Variants in LDHB observed in about 807,000 individuals in gnomAD.
The protein encoded by LDHB is L-lactate dehydrogenase B chain.
In LDHB, 18 loss-of-function variants were observed where a neutral mutation model predicts 33.4. That is an observed-to-expected ratio of 0.54 (90% CI 0.37 to 0.80). The LOEUF (loss-of-function observed/expected upper bound fraction) is 0.80. LDHB is among the 30% of genes least tolerant of loss of function. The probability of loss-of-function intolerance (pLI) is 0.00; values close to 1 mark genes in which losing one functional copy is unlikely to be tolerated. For missense variants in LDHB, 345 were observed against 407.9 expected, an observed-to-expected ratio of 0.85 and a Z score of 1.33; for synonymous variants, 121 against 140.6, an observed-to-expected ratio of 0.86 and a Z score of 0.98.
At chr12:21,651,651 C>T (rs1456945268) in intron 2 of LDHB, among the ~76,000 whole-genome samples, 1 of 152,156 alleles carries the variant, frequency 6.6e-6, no homozygotes, top group Non-Finnish European at 1.5e-5. Flanking sequence ...TATCCTCTGA[C>T]ATGTTACAGA....
intron 2 of LDHB, among the ~76,000 whole-genome samples, chr12:21,648,285 A>C (rs947037596): frequency 1.1e-4 from 16 of 152,124 alleles, no homozygotes; most frequent in African/African-American, 3.6e-4. Flanking sequence ...TACGATACTC[A>C]AGGGATTGGT....
intron 3 of LDHB, among the ~76,000 whole-genome samples, 192 bp downstream of exon 3, chr12:21,646,707 A>T (rs1209477771): frequency 6.6e-6 from 1 of 152,120 alleles, no homozygotes; most frequent in Admixed American, 6.5e-5. Flanking sequence ...ATAATTATAT[A>T]ACAATTTTGC....
chr12:21,638,284 A>C lies in LDHB; in HGVS notation c.713+69T>G. 3.4e-6 allele frequency: 3 copies of C among 888,636 alleles called. No individual in the cohort carries two copies. In the South Asian group the frequency reaches 4.0e-5, roughly 12 times the overall value. 55.0% of individuals were successfully genotyped at this position (888,636 alleles called of 1,614,324 possible). On this transcript the variant is annotated intron_variant, in intron 6 of 7. Coordinates refer to ENST00000350669, the MANE Select transcript of LDHB (RefSeq NM_002300.8). ...AGTTTATCTGAGCAGACAGCCATGG[A>C]AAATGTTTATAATTTTATTTAAGTA... is the stretch of plus-strand genomic sequence containing the variant.
In LDHB at chr12:21,637,258, CTT is replaced by C; in HGVS notation, c.714-66_714-65del. ...CAATCATTATTGAAACCAGACCTGA[CTT>C]TGACTACTGCTCTGTCTCTAACTAT... On this transcript the variant is annotated intron_variant, in intron 6 of 7. Transcript: ENST00000350669. 4 of 1,197,784 alleles carry C rather than the reference CTT, an allele frequency of 3.3e-6. No homozygotes were observed. The East Asian group carries it at 9.4e-5, about 28-fold the overall frequency. The allele number at this position is 1,197,784 out of a possible 1,614,324, so 74.2% of individuals were successfully genotyped here. A position where few individuals can be genotyped will look rare whatever the true frequency, so the allele number is the denominator to read the frequency against.
intron 2 of LDHB, among the ~76,000 whole-genome samples, chr12:21,649,388 G>A (rs117568580): frequency 0.032 from 4,905 of 152,274 alleles, 138 homozygotes; most frequent in Non-Finnish European, 0.049. Flanking sequence ...ATGGAGAGGC[G>A]TGATGTGTGA....
At position 21,635,396 on chromosome 12, in the gene LDHB, C is replaced by T; in HGVS notation, c.*146G>A. ...AAGAGCTCAGATTGCAAGCATTAAA[C>T]CAAGCATAGGCTTTGATTCTGTGAG... is the stretch of plus-strand genomic sequence containing the variant. On this transcript the variant is annotated 3_prime_UTR_variant, in exon 8 of 8. Transcript: ENST00000350669. The T allele has an allele frequency of 2.7e-6, 2 of 727,518 alleles. No individual in the cohort carries two copies. Among genetic ancestry groups the T allele is most frequent in the Non-Finnish European group, 4.9e-6 (2 of 408,892 alleles). 45.1% of individuals were successfully genotyped at this position (727,518 alleles called of 1,614,324 possible).
chr12:21,654,730 T>C (rs1362644543), intron 1 of LDHB, 53 bp from the exon 2 acceptor site: 16 of 1,440,482 alleles, frequency 1.1e-5, no homozygotes, highest in Middle Eastern at 1.7e-4. Context: ...GAAATCCAAA[T>C]AGAAATCATC....
chr12:21,650,190 C>T lies in LDHB; in HGVS notation c.130-3174G>A, dbSNP rs187654721. 7.0e-4 allele frequency among the ~76,000 whole-genome samples: 105 copies of T among 150,910 alleles called. No homozygotes were observed. The East Asian group carries it at 0.018, about 25-fold the overall frequency. ...AGTGTTTAGTATGCATAAAATTTTG[C>T]GGGAGGAAAAGGTATAACCTTTCTC... On this transcript the variant is annotated intron_variant, in intron 2 of 7. Transcript: ENST00000350669.
intron 2 of LDHB, among the ~76,000 whole-genome samples, chr12:21,649,034 C>G (rs1359436027): frequency 6.6e-6 from 1 of 152,140 alleles, no homozygotes; most frequent in Non-Finnish European, 1.5e-5. Flanking sequence ...CAATCTCTGA[C>G]AAGAACACAC....
At chr12:21,653,659 C>T (rs1938754774) in intron 2 of LDHB, among the ~76,000 whole-genome samples, 2 of 34,070 alleles carry the variant, frequency 5.9e-5, no homozygotes, top group African/African-American at 8.4e-5. Context: ...TATATATACA[C>T]ATATATGTAT....
intron 1 of LDHB, among the ~76,000 whole-genome samples, chr12:21,655,737 A>C (rs1677076): frequency 0.94 from 143,834 of 152,206 alleles, 68,468 homozygotes; most frequent in East Asian, 1. Flanking sequence ...ATGTAAAAAA[A>C]AAAACAAAAC....
At chr12:21,652,642 T>C (rs1455788535) in intron 2 of LDHB, among the ~76,000 whole-genome samples, 1 of 151,826 alleles carries the variant, frequency 6.6e-6, no homozygotes, top group East Asian at 1.9e-4. Context: ...AGGGAGCTGC[T>C]ATCCTAAATG....
intron 1 of LDHB, among the ~76,000 whole-genome samples, chr12:21,656,630 T>C (rs1938852688): frequency 6.6e-6 from 1 of 152,226 alleles, no homozygotes; most frequent in Non-Finnish European, 1.5e-5. Flanking sequence ...CTTCAGGAAG[T>C]ACAATTTAAA....
At chr12:21,649,315 A>G (rs1938615396) in intron 2 of LDHB, among the ~76,000 whole-genome samples, 1 of 152,218 alleles carries the variant, frequency 6.6e-6, no homozygotes, top group Non-Finnish European at 1.5e-5. Context: ...GAGATCCAAC[A>G]CTTAAATAAT....
intron 7 of LDHB, among the ~76,000 whole-genome samples, chr12:21,635,984 T>G (rs924497040): frequency 2.0e-4 from 31 of 152,312 alleles, no homozygotes; most frequent in Middle Eastern, 3.4e-3. Flanking sequence ...TTTTCATCAC[T>G]TACAGGTCCA....
intron 1 of LDHB, among the ~76,000 whole-genome samples, chr12:21,655,901 A>G (rs1212737724): frequency 1.3e-5 from 2 of 152,214 alleles, no homozygotes; most frequent in African/African-American, 2.4e-5. Flanking sequence ...CACTAAATAT[A>G]TACCACCCTG....
intron 1 of LDHB, 65 bp from the exon 2 acceptor site, chr12:21,654,742 TTAA>T: frequency 7.3e-7 from 1 of 1,372,066 alleles, no homozygotes; most frequent in South Asian, 1.2e-5. Flanking sequence ...GAAATCATCC[TTAA>T]AATGTTACTG....
chr12:21,643,453 A>C (rs1469539247), intron 4 of LDHB: 1 of 158,572 alleles, frequency 6.3e-6, no homozygotes, highest in African/African-American at 2.4e-5. Flanking sequence ...TGGTGTTAGC[A>C]TATATTTGTC....
intron 4 of LDHB, 86 bp from the exon 5 acceptor site, chr12:21,642,211 C>T: frequency 3.6e-6 from 3 of 831,744 alleles, no homozygotes; most frequent in Non-Finnish European, 6.3e-6. Context: ...CTTCCCTTTT[C>T]CCACTTCCCC....
Sources: gnomAD v4.1 joint callset for allele counts (sites outside exome capture counted in the v4.1 genomes callset) on GRCh38, gnomAD v4.1.1 for gene constraint, MANE v1.5 for transcripts, NCBI Gene and HGNC (gene_info 2026-07-23, HGNC 2026-07-21) for gene names.